PCDH15: variants seen among roughly 807,000 people sequenced by gnomAD.
PCDH15 encodes the protein protocadherin-15.
Under a neutral mutation model 178.5 loss-of-function variants are expected in PCDH15, and 129 were observed. The ratio of observed to expected loss-of-function variants is 0.72; its 90% CI spans 0.63 to 0.84. PCDH15 has a LOEUF of 0.84. Among genes scored for constraint, PCDH15 ranks in the 40% least tolerant of loss-of-function variants. PCDH15 has a pLI of 0.00. For missense variants in PCDH15, 2,230 were observed against 2,099.9 expected (o/e 1.06, Z -1.21); for synonymous variants, 800 against 732.0 (o/e 1.09, Z -1.50).
intron 17 of PCDH15, among the ~76,000 whole-genome samples, chr10:54,069,646 T>G (rs12257012): frequency 0.21 from 32,138 of 152,118 alleles, 3,608 homozygotes; most frequent in Non-Finnish European, 0.25. Context: ...TTAGGTCTAT[T>G]GACTATTGTT....
intron 2 of PCDH15, among the ~76,000 whole-genome samples, chr10:54,921,295 C>T (rs557540650): frequency 1.3e-5 from 2 of 151,896 alleles, no homozygotes; most frequent in South Asian, 2.1e-4. Context: ...TATACCCTCA[C>T]GAACTTTTAT....
At chr10:55,599,761 C>G (rs548628657) in intron 2 of PCDH15, 13 of 425,654 alleles carry the variant, frequency 3.1e-5, no homozygotes, top group Non-Finnish European at 5.3e-5. Context: ...TTCACCCCAT[C>G]TCTCTACCAA....
intron 2 of PCDH15, among the ~76,000 whole-genome samples, chr10:55,582,629 T>TATA (rs1491243304): frequency 6.2e-4 from 40 of 64,762 alleles, no homozygotes; most frequent in Non-Finnish European, 8.8e-4. Flanking sequence ...TATATATATA[T>TATA]TTTTTTTTTT....
At chr10:54,206,525 G>A (rs1472714718) in intron 10 of PCDH15, among the ~76,000 whole-genome samples, 3 of 151,958 alleles carry the variant, frequency 2.0e-5, no homozygotes, top group African/African-American at 2.4e-5. Flanking sequence ...CTACACTGAG[G>A]TCTGATCCCA....
intron 3 of PCDH15, among the ~76,000 whole-genome samples, chr10:54,847,535 C>A (rs1336579543): frequency 1.3e-5 from 2 of 152,024 alleles, no homozygotes; most frequent in Admixed American, 6.6e-5. Context: ...CACCTAGAAT[C>A]TCAGGAATCA....
At chr10:54,133,093 T>A in intron 14 of PCDH15, 86 bp from the exon 15 acceptor site, 1 of 1,578,026 alleles carries the variant, frequency 6.3e-7, no homozygotes, top group Non-Finnish European at 8.7e-7. Context: ...GTTGTTGGGT[T>A]TACAGGAGAA....
rs550773765 is a variant in PCDH15, at chr10:54,548,560, T to G, written c.92-20683A>C. On this transcript the variant is annotated intron_variant, in intron 2 of 37. Transcript: ENST00000644397. Reference sequence around the variant, plus strand: ...TATATATATGTATATGTGCCTTATATAAATTATTATATAATATATATTATT... The same window carrying G: ...TATATATATGTATATGTGCCTTATAGAAATTATTATATAATATATATTATT... Among the ~76,000 whole-genome samples, 15 of 147,072 alleles carry G rather than the reference T, an allele frequency of 1.0e-4. No homozygotes were observed. The East Asian group carries it at 2.7e-3, about 27-fold the overall frequency.
intron 2 of PCDH15, among the ~76,000 whole-genome samples, chr10:55,477,797 A>G (rs1298404866): frequency 1.3e-5 from 2 of 151,898 alleles, no homozygotes; most frequent in African/African-American, 4.8e-5. Context: ...TCAGTAAACA[A>G]ATGAATGAAG....
chr10:54,294,560 A>G (rs971480125), intron 8 of PCDH15, among the ~76,000 whole-genome samples: 1 of 152,232 alleles, frequency 6.6e-6, no homozygotes, highest in African/African-American at 2.4e-5. Context: ...ATAAAAATCT[A>G]CTAAATCAAT....
At chr10:53,875,159 G>A (rs529045687) in intron 26 of PCDH15, among the ~76,000 whole-genome samples, 233 of 152,098 alleles carry the variant, frequency 1.5e-3, no homozygotes, top group African/African-American at 5.5e-3. Flanking sequence ...ACTGATAAAA[G>A]ATTGTTATCC....
intron 2 of PCDH15, among the ~76,000 whole-genome samples, chr10:55,542,604 G>T (rs529939336): frequency 1.4e-5 from 2 of 145,292 alleles, no homozygotes; most frequent in African/African-American, 5.0e-5. Flanking sequence ...GGTACATACA[G>T]ACATATGTAT....
chr10:55,514,163 C>T (rs192744853), intron 2 of PCDH15, among the ~76,000 whole-genome samples: 1 of 151,972 alleles, frequency 6.6e-6, no homozygotes, highest in East Asian at 1.9e-4. Context: ...ATATGAATAC[C>T]TACATAACAC....
At chr10:54,915,429 T>C (rs1954885123) in intron 2 of PCDH15, among the ~76,000 whole-genome samples, 1 of 152,206 alleles carries the variant, frequency 6.6e-6, no homozygotes, top group African/African-American at 2.4e-5. Flanking sequence ...CTTTCATAGC[T>C]ATGAATGTTA....
At chr10:55,435,106 G>T (rs1839008426) in intron 2 of PCDH15, among the ~76,000 whole-genome samples, 1 of 151,970 alleles carries the variant, frequency 6.6e-6, no homozygotes, top group Admixed American at 6.6e-5. Flanking sequence ...GAAATCAAAA[G>T]GAATTTAAGT....
intron 2 of PCDH15, among the ~76,000 whole-genome samples, chr10:54,935,795 T>C (rs1356238693): frequency 1.3e-5 from 2 of 152,104 alleles, no homozygotes; most frequent in Middle Eastern, 3.2e-3. Flanking sequence ...GGAATTTAAT[T>C]CATTATTACA....
At chr10:54,531,011 G>A (rs547019812) in intron 2 of PCDH15, among the ~76,000 whole-genome samples, 1 of 152,184 alleles carries the variant, frequency 6.6e-6, no homozygotes, top group African/African-American at 2.4e-5. Flanking sequence ...GGATGTAATA[G>A]CCAACTATAT....
intron 2 of PCDH15, among the ~76,000 whole-genome samples, chr10:54,601,239 A>G (rs772645468): frequency 6.6e-6 from 1 of 152,054 alleles, no homozygotes; most frequent in Non-Finnish European, 1.5e-5. Context: ...CAAAGTTACC[A>G]GACAACCAAT....
intron 25 of PCDH15, among the ~76,000 whole-genome samples, chr10:53,916,145 C>T (rs867160174): frequency 3.3e-5 from 5 of 152,044 alleles, no homozygotes; most frequent in East Asian, 3.9e-4. Context: ...GGAATAATGG[C>T]AAAAAATTCT....
At chr10:54,159,032 C>A (rs1231829641) in intron 13 of PCDH15, among the ~76,000 whole-genome samples, 1 of 151,094 alleles carries the variant, frequency 6.6e-6, no homozygotes, top group Non-Finnish European at 1.5e-5. Flanking sequence ...TGGCATGAAC[C>A]CAGGATGTGA....
Sources: gnomAD v4.1 joint callset for allele counts (sites outside exome capture counted in the v4.1 genomes callset) on GRCh38, gnomAD v4.1.1 for gene constraint, MANE v1.5 for transcripts, NCBI Gene and HGNC (gene_info 2026-07-23, HGNC 2026-07-21) for gene names.